The following MAPK4 variants were observed in gnomAD, a reference collection of about 807,000 sequenced individuals.
MAPK4 encodes mitogen-activated protein kinase 4, also known as Erk3-related.
MAPK4 carries 22 observed loss-of-function variants against 47.7 expected under a neutral mutation model. The ratio of observed to expected loss-of-function variants is 0.46; its 90% CI spans 0.33 to 0.66. MAPK4 has a LOEUF of 0.66. MAPK4 is among the 30% of genes least tolerant of loss of function. MAPK4 has a pLI of 0.02. For missense variants in MAPK4, 736 were observed against 831.7 expected (o/e 0.88, Z 1.42); for synonymous variants, 390 against 365.7 (o/e 1.07, Z -0.76).
At chr18:50,637,017 T>A (rs1255515606) in intron 1 of MAPK4, among the ~76,000 whole-genome samples, 1 of 150,686 alleles carries the variant, frequency 6.6e-6, no homozygotes, top group Non-Finnish European at 1.5e-5. Context: ...AAATCCTGCA[T>A]CCAAACCTCG....
At chr18:50,679,736 C>A (rs1055519891) in intron 2 of MAPK4, among the ~76,000 whole-genome samples, 1 of 152,192 alleles carries the variant, frequency 6.6e-6, no homozygotes. Flanking sequence ...GGCATGGAGG[C>A]GCTCGGGCTT....
intron 1 of MAPK4, chr18:50,629,778 G>T (rs760287970): frequency 4.6e-5 from 7 of 152,156 alleles, no homozygotes; most frequent in Non-Finnish European, 8.8e-5. Context: ...GAAGATCAGC[G>T]ATGGAAATCA....
At chr18:50,713,271 C>CT (rs1441885041) in intron 2 of MAPK4, among the ~76,000 whole-genome samples, 1 of 152,192 alleles carries the variant, frequency 6.6e-6, no homozygotes, top group Admixed American at 6.5e-5. Context: ...ATAAACTTGA[C>CT]TTTTAAAGCA....
At chr18:50,719,827 C>T (rs1358191115) in intron 3 of MAPK4, among the ~76,000 whole-genome samples, 1 of 152,184 alleles carries the variant, frequency 6.6e-6, no homozygotes, top group Non-Finnish European at 1.5e-5. Context: ...TCTGTGGTCA[C>T]GAGATGGTCG....
intron 1 of MAPK4, among the ~76,000 whole-genome samples, chr18:50,621,846 A>G (rs554248359): frequency 1.3e-5 from 2 of 152,360 alleles, no homozygotes; most frequent in Admixed American, 6.5e-5. Flanking sequence ...TTCTGTCTTC[A>G]CCATGCATTT....
intron 1 of MAPK4, among the ~76,000 whole-genome samples, chr18:50,638,898 A>C (rs1198804905): frequency 6.6e-6 from 1 of 152,090 alleles, no homozygotes; most frequent in Non-Finnish European, 1.5e-5. Context: ...GGGAACTGAG[A>C]CTCAGCAGTA....
intron 1 of MAPK4, among the ~76,000 whole-genome samples, chr18:50,570,841 G>T (rs542472156): frequency 6.6e-6 from 1 of 152,332 alleles, no homozygotes; most frequent in South Asian, 2.1e-4. Flanking sequence ...TATTTCCTGA[G>T]TTTGAAAAGG....
At chr18:50,665,313 C>T (rs928593835) in intron 2 of MAPK4, among the ~76,000 whole-genome samples, 6 of 152,200 alleles carry the variant, frequency 3.9e-5, no homozygotes, top group Non-Finnish European at 2.9e-5. Context: ...TCCCCTGCCC[C>T]GGGTTCCTGC....
At chr18:50,670,775 A>T (rs1319415426) in intron 2 of MAPK4, among the ~76,000 whole-genome samples, 1 of 151,248 alleles carries the variant, frequency 6.6e-6, no homozygotes, top group Non-Finnish European at 1.5e-5. Flanking sequence ...AAAAAAAAAA[A>T]TCAACTAGTG....
intron 1 of MAPK4, among the ~76,000 whole-genome samples, chr18:50,582,977 A>G (rs1469898016): frequency 6.6e-6 from 1 of 152,200 alleles, no homozygotes; most frequent in Non-Finnish European, 1.5e-5. Flanking sequence ...CTCTCTTTCT[A>G]CCATAGTCTG....
intron 1 of MAPK4, among the ~76,000 whole-genome samples, chr18:50,607,776 A>G (rs1238175018): frequency 1.3e-5 from 2 of 152,222 alleles, no homozygotes; most frequent in African/African-American, 4.8e-5. Flanking sequence ...AATCATTTAT[A>G]TTCTGGAACT....
chr18:50,625,842 A>G (rs1476304466), intron 1 of MAPK4, among the ~76,000 whole-genome samples: 1 of 151,302 alleles, frequency 6.6e-6, no homozygotes, highest in Non-Finnish European at 1.5e-5. Flanking sequence ...TTCTTGGTGT[A>G]TTAGGGTTCT....
chr18:50,691,256 A>G (rs1003435682), intron 2 of MAPK4, among the ~76,000 whole-genome samples: 1 of 152,092 alleles, frequency 6.6e-6, no homozygotes, highest in African/African-American at 2.4e-5. Flanking sequence ...GGCCTCCCAG[A>G]GTGCTGGGAT....
At chr18:50,576,799 G>A (rs766668146) in intron 1 of MAPK4, among the ~76,000 whole-genome samples, 3 of 152,316 alleles carry the variant, frequency 2.0e-5, no homozygotes, top group East Asian at 3.9e-4. Flanking sequence ...TTTGTATGAA[G>A]CATATTCCTT....
Position 50,664,437 on chromosome 18 carries a change from A to G in MAPK4, c.479A>G (p.Glu160Gly), listed in dbSNP as rs1271844815. 2 of 1,613,802 alleles carry G rather than the reference A, an allele frequency of 1.2e-6. No homozygotes were observed. Among genetic ancestry groups the G allele is most frequent in the South Asian group, 2.2e-5 (2 of 91,040 alleles). The stretch of plus-strand genomic sequence containing the variant: ...CCCGCCAACATCTTCATCAGCACAG[A>G]GGACCTCGTGCTCAAGATTGGGGAT... ...LKPANIFIST[E>G]DLVLKIGDFG... is the part of the protein sequence containing the mutation. Residue 160 changes from glutamate (E) to glycine (G), a missense_variant, in exon 2 of 6, where the codon GAG becomes GGG. By Grantham distance (98) the Glu-to-Gly change is moderately conservative. Coordinates refer to ENST00000400384, the MANE Select transcript of MAPK4 (RefSeq NM_002747.4). This position sits in a 1 kb window ranked among gnomAD's most constrained non-coding sequence, Gnocchi z 6.0.
At chr18:50,623,960 A>G (rs561728157) in intron 1 of MAPK4, among the ~76,000 whole-genome samples, 1 of 152,348 alleles carries the variant, frequency 6.6e-6, no homozygotes, top group African/African-American at 2.4e-5. Context: ...AAGTGGCTAC[A>G]TGGGTGGCCC....
intron 1 of MAPK4, among the ~76,000 whole-genome samples, chr18:50,584,894 G>A (rs979673525): frequency 1.3e-5 from 2 of 152,214 alleles, no homozygotes; most frequent in African/African-American, 2.4e-5. Flanking sequence ...ACAAATATCA[G>A]TAGCGTTAAC....
chr18:50,660,621 G>A (rs961677476), intron 1 of MAPK4, among the ~76,000 whole-genome samples: 6 of 152,170 alleles, frequency 3.9e-5, no homozygotes, highest in East Asian at 1.9e-4. Context: ...CAAACACAGC[G>A]TACACATGAG....
chr18:50,614,885 G>C (rs2042670257), intron 1 of MAPK4, among the ~76,000 whole-genome samples: 1 of 152,160 alleles, frequency 6.6e-6, no homozygotes, highest in Non-Finnish European at 1.5e-5. Context: ...GGTTATTCAG[G>C]AATCTGTTAC....
Sources: allele counts gnomAD v4.1 joint callset (sites outside exome capture counted in the v4.1 genomes callset), GRCh38; gene constraint gnomAD v4.1.1; non-coding constraint Gnocchi (gnomAD v3.1); transcripts MANE v1.5; gene names NCBI Gene and HGNC (gene_info 2026-07-23, HGNC 2026-07-21).